The following KIF3A variants were observed in gnomAD, a reference collection of about 807,000 sequenced individuals.
The protein encoded by KIF3A is kinesin family member 3A, also known as kinesin-like protein KIF3A.
Under a neutral mutation model 92.6 loss-of-function variants are expected in KIF3A, and 27 were observed. The observed-to-expected ratio is 0.29, with a 90% CI of 0.21 to 0.40. The LOEUF is 0.40. Ranked by LOEUF, KIF3A falls within the 10% of genes least tolerant of loss-of-function variation. The pLI, the probability that KIF3A is intolerant of heterozygous loss-of-function variation, is 1.00. For missense variants in KIF3A, 581 were observed against 872.6 expected (o/e 0.67, Z 4.21); for synonymous variants, 250 against 275.4 (o/e 0.91, Z 0.92).
intron 1 of KIF3A, among the ~76,000 whole-genome samples, chr5:132,735,393 T>A (rs1754357924): frequency 6.6e-6 from 1 of 152,154 alleles, no homozygotes; most frequent in Admixed American, 6.6e-5. Flanking sequence ...AATTTTATGA[T>A]TAAGAAAATA....
chr5:132,717,867 G>A (rs1361458178), intron 5 of KIF3A, among the ~76,000 whole-genome samples: 2 of 151,772 alleles, frequency 1.3e-5, no homozygotes, highest in Non-Finnish European at 2.9e-5. Context: ...ACATTAAAAG[G>A]GTAATCTTTA....
At chr5:132,719,553 G>A (rs377496993) in intron 5 of KIF3A, among the ~76,000 whole-genome samples, 8 of 150,838 alleles carry the variant, frequency 5.3e-5, no homozygotes, top group South Asian at 4.2e-4. Flanking sequence ...GTGCAGTGGC[G>A]CGATCTCGGC....
chr5:132,700,336 A>G, intron 16 of KIF3A, 52 bp from the exon 17 acceptor site: 1 of 1,058,440 alleles, frequency 9.4e-7, no homozygotes, highest in Non-Finnish European at 1.4e-6. Context: ...AGTAATCAAT[A>G]CTGTGAGTTA....
intron 4 of KIF3A, 136 bp from the exon 5 acceptor site, chr5:132,720,850 A>C (rs958439538): frequency 1.3e-5 from 7 of 522,074 alleles, no homozygotes; most frequent in Non-Finnish European, 2.4e-5. Context: ...ACACGCATGG[A>C]GATGTCTATA....
chr5:132,699,345 C>A lies in KIF3A; in HGVS notation c.2008-50G>T, dbSNP rs745712980. The A allele has an allele frequency of 1.9e-6, 3 of 1,586,702 alleles. No individual in the cohort carries two copies. The South Asian group carries it at 3.4e-5, about 18-fold the overall frequency. On this transcript the variant is annotated intron_variant, in intron 17 of 18. Transcript: ENST00000403231. The stretch of plus-strand genomic sequence containing the variant: ...GCACTCTTAAGGCAAAGAGTTAAAG[C>A]CAGATTTGGGGGAAGATTTAAAATA...
chr5:132,691,213 T>C (rs1752655728), downstream of KIF3A, among the ~76,000 whole-genome samples: 1 of 152,212 alleles, frequency 6.6e-6, no homozygotes, highest in South Asian at 2.1e-4. Flanking sequence ...TTGGTTTCTG[T>C]TCTCAAACAC....
Position 132,734,194 on chromosome 5 carries a change from G to C in KIF3A, c.280+11C>G. The C allele has an allele frequency of 6.3e-7, 1 of 1,594,842 alleles. No homozygotes were observed. Among genetic ancestry groups the C allele is most frequent in the Non-Finnish European group, 8.5e-7 (1 of 1,170,312 alleles). On this transcript the variant is annotated intron_variant, in intron 2 of 18. Transcript: ENST00000403231. Reference sequence around the variant, plus strand: ...ATAAGGGAGTTTTTTAAAAAGTAAAGATTCACTTACCATTGTAGCCTTCAA... The same window carrying C: ...ATAAGGGAGTTTTTTAAAAAGTAAACATTCACTTACCATTGTAGCCTTCAA...
At chr5:132,717,752 A>C (rs556320869) in intron 5 of KIF3A, among the ~76,000 whole-genome samples, 10 of 152,164 alleles carry the variant, frequency 6.6e-5, no homozygotes, top group Non-Finnish European at 1.0e-4. Context: ...TTTTTTTCTT[A>C]AATTCCAAAG....
rs1231093429 is a variant in KIF3A at position 132,695,212 on chromosome 5, C to T, written c.*1422G>A. On this transcript the variant is annotated 3_prime_UTR_variant, in exon 19 of 19. Transcript: ENST00000403231. ...TTTGAGGTGGAGTGTCACCCTGTCA[C>T]CCAGGCTGGAGTGCAGTGATGCCAT... The T allele has an allele frequency of 6.6e-6, 1 of 152,060 alleles. No individual in the cohort carries two copies. The highest frequency in any genetic ancestry group is 1.5e-5 in the Non-Finnish European group (1 of 68,026). 9.4% of individuals were successfully genotyped at this position (152,060 alleles called of 1,614,324 possible).
chr5:132,713,889 CTTTTTTTTTTT>C (rs34191042), intron 8 of KIF3A, among the ~76,000 whole-genome samples: 2 of 83,760 alleles, frequency 2.4e-5, no homozygotes, highest in Admixed American at 1.6e-4. Flanking sequence ...ATTTCACTTT[CTTTTTTTTTTT>C]TTTTTTTTTT....
intron 3 of KIF3A, 23 bp downstream of exon 3, chr5:132,726,331 A>G: frequency 1.2e-6 from 2 of 1,611,506 alleles, no homozygotes; most frequent in Non-Finnish European, 1.7e-6. Context: ...TCAATATCAG[A>G]AAATAAAAGA....
At chr5:132,731,539 T>C (rs1754230672) in intron 2 of KIF3A, among the ~76,000 whole-genome samples, 1 of 152,198 alleles carries the variant, frequency 6.6e-6, no homozygotes, top group Admixed American at 6.5e-5. Context: ...GACATCATCA[T>C]ACTGGTGAAA....
At chr5:132,707,694 G>A (rs1224677428) in intron 10 of KIF3A, among the ~76,000 whole-genome samples, 1 of 152,036 alleles carries the variant, frequency 6.6e-6, no homozygotes, top group Non-Finnish European at 1.5e-5. Context: ...AATATTCTTG[G>A]AATTATTCTT....
At position 132,724,820 on chromosome 5, in the gene KIF3A, T is replaced by A. The variant is rs1216309595; in HGVS notation, c.510+1308A>T. ...AAAAAAAAAAAAATATATATATATATATATATATATATATATATATATATA... is the reference window on the plus strand; with the variant it reads ...AAAAAAAAAAAAATATATATATATAAATATATATATATATATATATATATA... On this transcript the variant is annotated intron_variant, in intron 4 of 18. Coordinates refer to ENST00000403231, the MANE Select transcript of KIF3A (RefSeq NM_001300791.2). Among the ~76,000 whole-genome samples, 25 of 13,686 alleles carry A rather than the reference T, an allele frequency of 1.8e-3. 2 individuals are homozygous for A. Among genetic ancestry groups the A allele is most frequent in the South Asian group, 3.9e-3 (1 of 258 alleles). The allele number at this position is 13,686 out of a possible 152,430, so 9.0% of individuals were successfully genotyped here.
At chr5:132,725,078 T>C (rs1396227461) in intron 4 of KIF3A, among the ~76,000 whole-genome samples, 1 of 151,474 alleles carries the variant, frequency 6.6e-6, no homozygotes, top group Admixed American at 6.6e-5. Context: ...ATAAATCTGA[T>C]CTATAATTAC....
chr5:132,688,959 T>C (rs998047942), downstream of KIF3A, among the ~76,000 whole-genome samples: 29 of 152,332 alleles, frequency 1.9e-4, no homozygotes, highest in African/African-American at 6.5e-4. Context: ...GAGGAATATC[T>C]GATCTGTCAT....
chr5:132,699,503 T>C (rs1581061964), intron 17 of KIF3A: 1 of 623,910 alleles, frequency 1.6e-6, no homozygotes, highest in Non-Finnish European at 2.9e-6. Context: ...ACACTATAAA[T>C]TTCCTTGGAC....
intron 4 of KIF3A, among the ~76,000 whole-genome samples, chr5:132,725,817 C>G (rs1363217433): frequency 6.6e-6 from 1 of 152,130 alleles, no homozygotes; most frequent in African/African-American, 2.4e-5. Context: ...ATACATTATT[C>G]TCCTCTATTT....
rs1462361469 is a variant in KIF3A at position 132,737,284 on chromosome 5, C to A, written c.6+130G>T. ...CAGCCAGGCTCTCCAACCACCTCCA[C>A]CGCACGACCGAGCCTGCCCCGCCCC... On this transcript the variant is annotated intron_variant, in intron 1 of 18. Transcript: ENST00000403231. 4.7e-6 allele frequency: 5 copies of A among 1,062,058 alleles called. No homozygotes were observed. The Admixed American group carries it at 1.7e-4, about 37-fold the overall frequency. The allele number at this position is 1,062,058 out of a possible 1,614,324, so 65.8% of individuals were successfully genotyped here. A position where few individuals can be genotyped will look rare whatever the true frequency, so the allele number is the denominator to read the frequency against.
Sources: gnomAD v4.1 joint callset for allele counts (sites outside exome capture counted in the v4.1 genomes callset) on GRCh38, gnomAD v4.1.1 for gene constraint, MANE v1.5 for transcripts, NCBI Gene and HGNC (gene_info 2026-07-23, HGNC 2026-07-21) for gene names.